Variants in EML3 observed in about 807,000 individuals in gnomAD.
EML3 encodes echinoderm microtubule-associated protein-like 3.
A neutral mutation model predicts 106.7 loss-of-function variants in EML3; 53 were observed. The ratio of observed to expected loss-of-function variants is 0.50; its 90% confidence interval spans 0.40 to 0.62. EML3 has a LOEUF of 0.62. Ranked by LOEUF, EML3 falls within the 20% of genes least tolerant of loss-of-function variation. The pLI is 0.00. For missense variants in EML3, 994 were observed against 1,209.1 expected, an observed-to-expected ratio of 0.82 and a Z score of 2.64; for synonymous variants, 499 against 489.6, an observed-to-expected ratio of 1.02 and a Z score of -0.25.
Position 62,602,747 on chromosome 11 carries a change from C to T in EML3, c.2487+12G>A. ...CCCACCGGTCCCACCCCGGCGATCC[C>T]CGCGGCCTCACCTTGGCACGAGCGC... On this transcript the variant is annotated intron_variant, in intron 21 of 21. Coordinates refer to ENST00000394773, the MANE Select transcript of EML3 (RefSeq NM_153265.3). The T allele has an allele frequency of 4.3e-6, 7 of 1,610,328 alleles. No homozygotes were observed. The highest frequency in any genetic ancestry group is 5.9e-6 in the Non-Finnish European group (7 of 1,178,996).
rs760568498 is a variant in EML3 at position 62,611,434 on chromosome 11, G to A, written c.185C>T (p.Pro62Leu). Residue 62 changes from proline to leucine, a missense_variant, in exon 2 of 22, where the codon CCG becomes CTG. Physicochemically the swap from Pro to Leu is moderately conservative, Grantham distance 98. Coordinates refer to ENST00000394773, the MANE Select transcript of EML3 (RefSeq NM_153265.3). ...SLQGSGTPAP[P>L]GDSLAAPPGL... ...GTGATGACATGCATACCTGTCCCCCGGAGGAGCTGGTGTGCCAGAGCCCTG... is the reference window on the plus strand; with the variant it reads ...GTGATGACATGCATACCTGTCCCCCAGAGGAGCTGGTGTGCCAGAGCCCTG... 5 of 1,613,728 alleles carry A rather than the reference G, an allele frequency of 3.1e-6. No individual in the cohort carries two copies. Among genetic ancestry groups the A allele is most frequent in the South Asian group, 1.1e-5 (1 of 91,082 alleles).
Position 62,602,331 on chromosome 11 carries a change from C to T in EML3, c.*144G>A. The T allele has an allele frequency of 6.4e-7, 1 of 1,551,180 alleles. No homozygotes were observed. ...ACAGTGTGTGCAGGGGCGCCGTTCG[C>T]GCCCTCCAGGAAAATGCGCGATCGG... On this transcript the variant is annotated 3_prime_UTR_variant, in exon 22 of 22. Coordinates refer to ENST00000394773, the MANE Select transcript of EML3 (RefSeq NM_153265.3).
chr11:62,607,865 C>T (rs376035707), intron 10 of EML3, 44 bp from the exon 11 acceptor site: 2 of 1,591,922 alleles, frequency 1.3e-6, no homozygotes, highest in Non-Finnish European at 1.7e-6. Context: ...GCCCTGGGTA[C>T]CTTCATTCTA....
rs535620289 is a variant in EML3 at position 62,602,524 on chromosome 11, G to C, written c.2642C>G (p.Thr881Arg). The C allele has an allele frequency of 6.7e-7, 1 of 1,497,002 alleles. No individual in the cohort carries two copies. Among genetic ancestry groups the C allele is most frequent in the East Asian group, 2.5e-5 (1 of 40,120 alleles). 92.7% of individuals were successfully genotyped at this position (1,497,002 alleles called of 1,614,324 possible). A position where few individuals can be genotyped will look rare whatever the true frequency, so the allele number is the denominator to read the frequency against. ...GGACAGGGAGGGGGTTCGAGAGGGC[G>C]TGGCGGGCGCCGGCCCCGCGCCCCC... Reference protein sequence around the residue: ...GAGGAGPAPATPSRTPSLSPA... With the variant: ...GAGGAGPAPARPSRTPSLSPA... The change falls in exon 22 of 22, where the codon ACG (threonine) becomes AGG (arginine). Residue 881 changes from threonine (T) to arginine (R), a missense_variant. Transcript: ENST00000394773.
chr11:62,605,574 G>C lies in EML3; in HGVS notation c.1914+68C>G. 6.7e-7 allele frequency: 1 copy of C among 1,498,774 alleles called. No homozygotes were observed. Among genetic ancestry groups the C allele is most frequent in the Non-Finnish European group, 8.9e-7 (1 of 1,125,188 alleles). 92.8% of individuals were successfully genotyped at this position (1,498,774 alleles called of 1,614,324 possible). A position where few individuals can be genotyped will look rare whatever the true frequency, so the allele number is the denominator to read the frequency against. ...TGGGAGGCAGAAGGCAAGGTGCTGG[G>C]GAAGGCGTGGTGGCCACAGGTGTCC... On this transcript the variant is annotated intron_variant, in intron 15 of 21. Transcript: ENST00000394773. The surrounding 1 kb of genome is among the most constrained non-coding windows in gnomAD (Gnocchi z 5.2).
Position 62,611,610 on chromosome 11 carries a change from A to G in EML3, c.23-14T>C, listed in dbSNP as rs549929157. ...CAGGGCCGTCACCTGGGAAAAGGGC[A>G]AGAGGTACTCAGAATGTACCCATCA... On this transcript the variant is annotated splice_polypyrimidine_tract_variant and intron_variant, in intron 1 of 21. Coordinates refer to ENST00000394773, the MANE Select transcript of EML3 (RefSeq NM_153265.3). 10 of 1,610,098 alleles carry G rather than the reference A, an allele frequency of 6.2e-6. No individual in the cohort carries two copies. The South Asian group carries it at 1.1e-4, about 18-fold the overall frequency.
Position 62,603,267 on chromosome 11 carries a change from C to T in EML3, c.2258-20G>A. ...CGTCCCCTGGGGAGAGGGAGCCCGC[C>T]CAGCTCAGCTCTCACCCTGCCCTCA... On this transcript the variant is annotated intron_variant, in intron 19 of 21. Coordinates refer to ENST00000394773, the MANE Select transcript of EML3 (RefSeq NM_153265.3). The T allele has an allele frequency of 6.2e-7, 1 of 1,608,672 alleles. No homozygotes were observed. The highest frequency in any genetic ancestry group is 8.5e-7 in the Non-Finnish European group (1 of 1,177,156).
chr11:62,609,826 G>A, intron 4 of EML3, 130 bp from the exon 5 acceptor site: 1 of 731,810 alleles, frequency 1.4e-6, no homozygotes, highest in Non-Finnish European at 2.2e-6. Context: ...TTTGCTTCGT[G>A]AGTATCAGGG....
rs1438702869 is a variant in EML3 at position 62,604,150 on chromosome 11, A to G, written c.2034T>C (p.Asp678=). The change falls in exon 17 of 22, where the codon GAT becomes GAC. Residue 678 remains aspartate, a synonymous_variant. Coordinates refer to ENST00000394773, the MANE Select transcript of EML3 (RefSeq NM_153265.3). Reference sequence around the variant, plus strand: ...GGACCACTGAGAGCTGCTCATTGCCATCAATGACATCAGACACGATCTCTC... The same window carrying G: ...GGACCACTGAGAGCTGCTCATTGCCGTCAATGACATCAGACACGATCTCTC... ...ETREIVSDVI[D]GNEQLSVVRY... 6 of 1,613,866 alleles carry G rather than the reference A, an allele frequency of 3.7e-6. No individual in the cohort carries two copies. The highest frequency in any genetic ancestry group is 5.1e-6 in the Non-Finnish European group (6 of 1,179,988).
intron 6 of EML3, 93 bp from the exon 7 acceptor site, chr11:62,609,225 G>C (rs1269819327): frequency 1.3e-6 from 2 of 1,578,170 alleles, no homozygotes; most frequent in Non-Finnish European, 1.7e-6. Context: ...GCAGGGCCTA[G>C]AGCAGAATGA....
At chr11:62,608,317 G>A (rs759657548) in intron 9 of EML3, 21 bp from the exon 10 acceptor site, 4 of 1,609,238 alleles carry the variant, frequency 2.5e-6, no homozygotes, top group African/African-American at 2.7e-5. Context: ...GTGACACATA[G>A]GAGGTGCAGA....
chr11:62,608,163 C>A, intron 10 of EML3, 38 bp downstream of exon 10: 1 of 1,598,966 alleles, frequency 6.3e-7, no homozygotes. Flanking sequence ...CTCCCACCCC[C>A]AACCTCAGAG....
At chr11:62,611,730 GT>G (rs1445673730) in intron 1 of EML3, 134 bp from the exon 2 acceptor site, 3 of 1,018,506 alleles carry the variant, frequency 2.9e-6, no homozygotes, top group Non-Finnish European at 4.2e-6. Context: ...TTGAATGCTC[GT>G]CCAGAGGGGA....
chr11:62,612,161 A>G (rs1420540750), intron 1 of EML3: 1 of 510,004 alleles, frequency 2.0e-6, no homozygotes, highest in East Asian at 3.6e-5. Flanking sequence ...AAGACCTGAA[A>G]TACCACGAGA....
At chr11:62,607,304 G>A in intron 11 of EML3, 1 of 518,846 alleles carries the variant, frequency 1.9e-6, no homozygotes, top group Non-Finnish European at 3.3e-6. Flanking sequence ...GGGTGATAGA[G>A]CAAGGCACTG....
chr11:62,604,993 G>C, intron 16 of EML3, 120 bp downstream of exon 16: 1 of 908,422 alleles, frequency 1.1e-6, no homozygotes, highest in East Asian at 3.0e-5. Flanking sequence ...AGGCACAGAG[G>C]AGTGCCAAGG....
chr11:62,611,727 C>A, intron 1 of EML3, 131 bp from the exon 2 acceptor site: 4 of 1,080,982 alleles, frequency 3.7e-6, no homozygotes, highest in Non-Finnish European at 5.1e-6. Context: ...GGCTTGAATG[C>A]TCGTCCAGAG....
chr11:62,603,663 C>T, intron 19 of EML3, 66 bp downstream of exon 19: 1 of 1,366,700 alleles, frequency 7.3e-7, no homozygotes, highest in Non-Finnish European at 1.0e-6. Context: ...ACACCTCTAA[C>T]AGCCCCCCCT....
chr11:62,604,040 A>AG lies in EML3; in HGVS notation c.2072_2073insC (p.Gly692TrpfsTer10). ...GGGAACCAATGGCCAGGTACAACCC[A>AG]TCTGCAAATACAGTCACTCAGAGAG... On this transcript the variant is annotated frameshift_variant and splice_region_variant, in exon 18 of 22. Transcript: ENST00000394773. LOFTEE classifies it high-confidence loss of function. 1 of 1,614,190 alleles carries AG rather than the reference A, an allele frequency of 6.2e-7. No individual in the cohort carries two copies. The highest frequency in any genetic ancestry group is 8.5e-7 in the Non-Finnish European group (1 of 1,180,024).
Sources: gnomAD v4.1 joint callset for allele counts on GRCh38, gnomAD v4.1.1 for gene constraint, Gnocchi (gnomAD v3.1) non-coding constraint, MANE v1.5 for transcripts, NCBI Gene and HGNC (gene_info 2026-07-23, HGNC 2026-07-21) for gene names.